Variants in ZNF638 observed in about 807,000 individuals in gnomAD.
The protein encoded by ZNF638 is zinc finger protein 638.
Under a neutral mutation model 195.6 loss-of-function variants are expected in ZNF638, and 46 were observed. The ratio of observed to expected loss-of-function variants is 0.24; its 90% CI spans 0.19 to 0.30. The LOEUF is 0.30. ZNF638 is among the 10% of genes least tolerant of loss of function. The pLI, the probability that ZNF638 is intolerant of heterozygous loss-of-function variation, is 1.00. For missense variants in ZNF638, 2,440 were observed against 2,325.3 expected (o/e 1.05, Z -1.01); for synonymous variants, 845 against 772.0 (o/e 1.09, Z -1.57).
rs1347100811 is a variant in ZNF638, at chr2:71,406,009, TTCTTAC to T, written c.3001-114_3001-109del. 7 of 1,214,586 alleles carry T rather than the reference TTCTTAC, an allele frequency of 5.8e-6. No homozygotes were observed. In the African/African-American group the frequency reaches 1.1e-4, roughly 18 times the overall value. 75.2% of individuals were successfully genotyped at this position (1,214,586 alleles called of 1,614,324 possible). A position where few individuals can be genotyped will look rare whatever the true frequency, so the allele number is the denominator to read the frequency against. On this transcript the variant is annotated intron_variant, in intron 18 of 27. Transcript: ENST00000264447. Reference sequence around the variant, plus strand: ...CACTGTCTTCCCCCATGTAGTCATTTTCTTACTCTTGGGAGAGAACATCATCTGACC... The same window carrying T: ...CACTGTCTTCCCCCATGTAGTCATTTTCTTGGGAGAGAACATCATCTGACC...
intron 3 of ZNF638, among the ~76,000 whole-genome samples, chr2:71,360,836 T>G (rs938218235): frequency 1.3e-5 from 2 of 152,176 alleles, no homozygotes; most frequent in African/African-American, 4.8e-5. Context: ...GTTGGGAGCG[T>G]TATTGCTTCT....
intron 23 of ZNF638, among the ~76,000 whole-genome samples, chr2:71,425,607 A>G (rs945576962): frequency 8.5e-5 from 13 of 152,174 alleles, no homozygotes; most frequent in Admixed American, 7.9e-4. Context: ...TATGTTAGTC[A>G]TTGAGTCTTA....
chr2:71,429,438 C>T (rs1184091030), intron 25 of ZNF638, among the ~76,000 whole-genome samples: 4 of 152,130 alleles, frequency 2.6e-5, no homozygotes, highest in African/African-American at 7.2e-5. Context: ...TCACCTAACC[C>T]GTTTCTCATT....
intron 1 of ZNF638, among the ~76,000 whole-genome samples, chr2:71,346,337 G>A (rs1484811910): frequency 6.6e-6 from 1 of 152,162 alleles, no homozygotes; most frequent in African/African-American, 2.4e-5. Flanking sequence ...GTAGAAGGTA[G>A]GCACAATTTC....
intron 10 of ZNF638, 108 bp downstream of exon 10, chr2:71,380,673 C>G (rs2079520186): frequency 2.5e-6 from 2 of 799,956 alleles, no homozygotes; most frequent in Non-Finnish European, 3.8e-6. Flanking sequence ...TGAAGGAGAC[C>G]CAAATTACAT....
chr2:71,338,472 C>CTA (rs1423928514), intron 1 of ZNF638, among the ~76,000 whole-genome samples: 1 of 152,146 alleles, frequency 6.6e-6, no homozygotes, highest in Non-Finnish European at 1.5e-5. Flanking sequence ...AATGAAAGCC[C>CTA]TAAGTTCCTA....
chr2:71,353,528 G>C (rs527966487), intron 2 of ZNF638, among the ~76,000 whole-genome samples: 62 of 152,284 alleles, frequency 4.1e-4, no homozygotes, highest in Non-Finnish European at 7.6e-4. Flanking sequence ...ACTATTACTA[G>C]AGAGTCTAGA....
chr2:71,411,108 C>T (rs1045366389), intron 20 of ZNF638, among the ~76,000 whole-genome samples: 77 of 150,484 alleles, frequency 5.1e-4, no homozygotes, highest in African/African-American at 1.8e-3. Flanking sequence ...AGCAATTCTC[C>T]TGCCTCAGCC....
intron 10 of ZNF638, among the ~76,000 whole-genome samples, chr2:71,394,255 G>C (rs532015853): frequency 1.3e-5 from 2 of 152,134 alleles, no homozygotes; most frequent in Admixed American, 6.5e-5. Flanking sequence ...TGGGCCAAAG[G>C]GGGGATGGGA....
At position 71,422,979 on chromosome 2, in the gene ZNF638, A is replaced by G. The variant is rs370612354; in HGVS notation, c.3465A>G (p.Thr1155=). The G allele has an allele frequency of 1.2e-6, 2 of 1,614,130 alleles. No homozygotes were observed. The highest frequency in any genetic ancestry group is 2.2e-5 in the East Asian group (1 of 44,878). ...GTGAGGAAGAAGCTGAAAAAGCAAC[A>G]TGTGATTCTGACTTTGCTGTTGAAA... is the stretch of plus-strand genomic sequence containing the variant. ...EPCEEEAEKA[T]CDSDFAVETL... is the part of the protein sequence containing the mutation. Residue 1155 remains threonine (T), a synonymous_variant, in exon 22 of 28, where the codon ACA becomes ACG. Transcript: ENST00000264447.
intron 10 of ZNF638, chr2:71,388,645 G>T (rs952651108): frequency 2.3e-6 from 2 of 867,380 alleles, no homozygotes; most frequent in Non-Finnish European, 4.0e-6. Flanking sequence ...AGACTCAGCA[G>T]CTGGTGCCCC....
At chr2:71,424,876 A>G (rs1049687531) in intron 23 of ZNF638, among the ~76,000 whole-genome samples, 161 bp downstream of exon 23, 13 of 152,200 alleles carry the variant, frequency 8.5e-5, no homozygotes, top group African/African-American at 3.1e-4. Flanking sequence ...TAATCCTACC[A>G]TTAATTTACT....
At chr2:71,391,594 A>C (rs950050056) in intron 10 of ZNF638, among the ~76,000 whole-genome samples, 3 of 152,216 alleles carry the variant, frequency 2.0e-5, no homozygotes, top group African/African-American at 7.2e-5. Context: ...AAAAGTACAG[A>C]TGTCCTCACC....
chr2:71,381,967 C>T (rs2670718), intron 10 of ZNF638, among the ~76,000 whole-genome samples: 137,240 of 152,124 alleles, frequency 0.9, 61,984 homozygotes, highest in Admixed American at 0.93. Flanking sequence ...GAAAAAACAG[C>T]TGGGCTTCAC....
chr2:71,408,282 A>T (rs769324852), intron 20 of ZNF638, 35 bp downstream of exon 20: 3 of 1,600,056 alleles, frequency 1.9e-6, no homozygotes, highest in South Asian at 1.1e-5. Context: ...TTGTGATTTT[A>T]GAAAATACAG....
chr2:71,335,494 T>A (rs776054189), intron 1 of ZNF638, among the ~76,000 whole-genome samples: 6 of 152,214 alleles, frequency 3.9e-5, no homozygotes, highest in Non-Finnish European at 7.3e-5. Flanking sequence ...TTGCCTATTG[T>A]CTCTGCTGAG....
chr2:71,364,813 T>C (rs1321637525), intron 5 of ZNF638, among the ~76,000 whole-genome samples: 1 of 152,240 alleles, frequency 6.6e-6, no homozygotes, highest in African/African-American at 2.4e-5. Flanking sequence ...GCATTCCTTC[T>C]TAAAGTATGG....
rs1188307685 is a variant in ZNF638 at position 71,355,795 on chromosome 2, T to C, written c.1379+15T>C. 6.5e-7 allele frequency: 1 copy of C among 1,531,374 alleles called. No homozygotes were observed. The highest frequency in any genetic ancestry group is 8.9e-7 in the Non-Finnish European group (1 of 1,119,830). 94.9% of individuals were successfully genotyped at this position (1,531,374 alleles called of 1,614,324 possible). ...TTACGTCAACAGTAAGAATATATTT[T>C]TCCTTTATTATAGATAGCATATTTA... On this transcript the variant is annotated intron_variant, in intron 3 of 27. Coordinates refer to ENST00000264447, the MANE Select transcript of ZNF638 (RefSeq NM_014497.5).
Position 71,431,358 on chromosome 2 carries a change from A to C in ZNF638, c.5682A>C (p.Glu1894Asp). The change falls in exon 26 of 28, where the codon GAA (glutamate) becomes GAC (aspartate). Residue 1894 changes from glutamate (E) to aspartate (D), a missense_variant. Around this residue, in one of 5 missense-constraint regions of ZNF638, gnomAD observed 1,883 missense variants for 1,739.1 expected, o/e 1.08. Coordinates refer to ENST00000264447, the MANE Select transcript of ZNF638 (RefSeq NM_014497.5). ...VDEESGLKDS[E>D]PERKRKKTED... ...AGGAATCTGGATTAAAGGATTCAGA[A>C]CCAGAGCGAAAACGCAAGAAGACTG... 1 of 1,614,028 alleles carries C rather than the reference A, an allele frequency of 6.2e-7. No homozygotes were observed. The highest frequency in any genetic ancestry group is 8.5e-7 in the Non-Finnish European group (1 of 1,179,874).
Sources: allele counts gnomAD v4.1 joint callset (sites outside exome capture counted in the v4.1 genomes callset), GRCh38; gene constraint gnomAD v4.1.1; regional missense constraint gnomAD v4.1.1; transcripts MANE v1.5; gene names NCBI Gene and HGNC (gene_info 2026-07-23, HGNC 2026-07-21).